Variants in ARID1B observed in about 807,000 individuals in gnomAD.
ARID1B encodes the protein AT-rich interaction domain 1B.
ARID1B carries 30 observed loss-of-function variants against 212.3 expected under a neutral mutation model. The ratio of observed to expected loss-of-function variants is 0.14; its 90% CI spans 0.11 to 0.19. The LOEUF is 0.19. Ranked by LOEUF, ARID1B falls within the 10% of genes least tolerant of loss-of-function variation. The pLI is 1.00. For missense variants in ARID1B, 2,891 were observed against 3,204.0 expected (o/e 0.90, Z 2.36); for synonymous variants, 1,402 against 1,301.7 (o/e 1.08, Z -1.66).
In ARID1B at chr6:156,939,054, G is replaced by A. The variant is rs547159061; in HGVS notation, c.2247+3478G>A. ...CACTGAACAAATCCTCCTTAATATC[G>A]TCCACTTATTTCTATACCTCTTAGT... On this transcript the variant is annotated intron_variant, in intron 4 of 19. Coordinates refer to ENST00000636930, the MANE Select transcript of ARID1B (RefSeq NM_001374828.1). 9.2e-5 allele frequency: 14 copies of A among 152,130 alleles called. No individual in the cohort carries two copies. The South Asian group carries it at 1.2e-3, about 14-fold the overall frequency. The allele number at this position is 152,130 out of a possible 1,614,324, so 9.4% of individuals were successfully genotyped here. A position where few individuals can be genotyped will look rare whatever the true frequency, so the allele number is the denominator to read the frequency against.
chr6:156,844,083 G>T (rs1784077206), intron 2 of ARID1B, among the ~76,000 whole-genome samples: 1 of 152,166 alleles, frequency 6.6e-6, no homozygotes, highest in African/African-American at 2.4e-5. Context: ...GAATTTTACA[G>T]AATTTTTCAC....
At chr6:156,872,911 G>T (rs371261856) in intron 2 of ARID1B, among the ~76,000 whole-genome samples, 1 of 152,088 alleles carries the variant, frequency 6.6e-6, no homozygotes, top group East Asian at 1.9e-4. Context: ...CCTGCCCATC[G>T]GCCCATCCGT....
rs990903455 is a variant in ARID1B at position 156,918,710 on chromosome 6, C to T, written c.2137-16756C>T. On this transcript the variant is annotated intron_variant, in intron 3 of 19. Coordinates refer to ENST00000636930, the MANE Select transcript of ARID1B (RefSeq NM_001374828.1). ...ACTTAGTGGCTGAGCAAGGCCTATTCCTAGACTCTGATTGTTGACTTGGGG... is the reference window on the plus strand; with the variant it reads ...ACTTAGTGGCTGAGCAAGGCCTATTTCTAGACTCTGATTGTTGACTTGGGG... Among the ~76,000 whole-genome samples, 8 of 152,254 alleles carry T rather than the reference C, an allele frequency of 5.3e-5. No homozygotes were observed. In the South Asian group the frequency reaches 8.3e-4, roughly 16 times the overall value.
intron 3 of ARID1B, among the ~76,000 whole-genome samples, chr6:156,911,838 C>T (rs1025215588): frequency 3.9e-5 from 6 of 152,060 alleles, no homozygotes; most frequent in Non-Finnish European, 5.9e-5. Flanking sequence ...CTCAAAACCA[C>T]GAGCAGGCAT....
chr6:157,104,444 T>A (rs958016812), intron 5 of ARID1B, among the ~76,000 whole-genome samples: 4 of 152,082 alleles, frequency 2.6e-5, no homozygotes, highest in African/African-American at 7.2e-5. Flanking sequence ...TAAGGATGAG[T>A]GTAGGAGAAA....
chr6:156,860,032 C>T (rs913525739), intron 2 of ARID1B, among the ~76,000 whole-genome samples: 2 of 152,152 alleles, frequency 1.3e-5, no homozygotes, highest in African/African-American at 4.8e-5. Context: ...TGAAAGTGTT[C>T]AGAATGGAAT....
intron 5 of ARID1B, among the ~76,000 whole-genome samples, chr6:157,105,088 G>A (rs1229147655): frequency 1.3e-5 from 2 of 152,140 alleles, no homozygotes; most frequent in African/African-American, 4.8e-5. Flanking sequence ...CAAGTCACTG[G>A]GCTAAGAATG....
chr6:156,878,061 G>T (rs1324472132), intron 2 of ARID1B, among the ~76,000 whole-genome samples: 1 of 151,996 alleles, frequency 6.6e-6, no homozygotes, highest in Non-Finnish European at 1.5e-5. Context: ...ATCTTTTGAA[G>T]GGCTTCTCTC....
At chr6:157,010,278 GTTT>G (rs367851681) in intron 4 of ARID1B, among the ~76,000 whole-genome samples, 45,264 of 102,786 alleles carry the variant, frequency 0.44, 8,473 homozygotes, top group East Asian at 0.61. Flanking sequence ...TGCATTGCCT[GTTT>G]TTTTTTTTTT....
chr6:157,135,869 C>T (rs940202130), intron 7 of ARID1B, among the ~76,000 whole-genome samples: 1 of 152,042 alleles, frequency 6.6e-6, no homozygotes, highest in Admixed American at 6.6e-5. Context: ...GTGTTCATAT[C>T]TCTGGAATGA....
At chr6:157,110,086 T>C (rs1786790916) in intron 5 of ARID1B, among the ~76,000 whole-genome samples, 1 of 152,202 alleles carries the variant, frequency 6.6e-6, no homozygotes. Flanking sequence ...CCATGAGTAA[T>C]TGTTGGCCAC....
In ARID1B at chr6:156,980,280, C is replaced by G. The variant is rs187831712; in HGVS notation, c.2247+44704C>G. 4.4e-3 allele frequency among the ~76,000 whole-genome samples: 669 copies of G among 151,982 alleles called. 5 individuals carry two copies. The highest frequency in any genetic ancestry group is 0.015 in the African/African-American group (637 of 41,442). ...GGTAGATCACCTGCGGTCAGGAGTT[C>G]GAGACCACCCCGGCCCACACAATGA... On this transcript the variant is annotated intron_variant, in intron 4 of 19. Transcript: ENST00000636930.
chr6:156,805,315 G>A (rs552406564), intron 1 of ARID1B, among the ~76,000 whole-genome samples: 3 of 152,302 alleles, frequency 2.0e-5, no homozygotes, highest in East Asian at 1.9e-4. Context: ...GGATAGGCCC[G>A]AGAGTAAAGT....
chr6:157,115,030 C>T (rs752322525), intron 6 of ARID1B, among the ~76,000 whole-genome samples: 20 of 152,168 alleles, frequency 1.3e-4, no homozygotes, highest in Middle Eastern at 3.2e-3. Context: ...GTTCTGCAAA[C>T]CTCTGGTGAC....
At chr6:156,976,819 T>C (rs1777280578) in intron 4 of ARID1B, 6 of 573,644 alleles carry the variant, frequency 1.0e-5, no homozygotes, top group South Asian at 1.4e-5. Context: ...CTCAGTTACA[T>C]TGGCAAATTT....
rs538079163 is a variant in ARID1B, at chr6:157,200,385, C to T, written c.4480-320C>T. ...GCTGTGGTCCTAGTGCAGCTCCCAG[C>T]CCGGGAGCCGTCTGCCTGTGTGGGA... On this transcript the variant is annotated intron_variant, in intron 17 of 19. Coordinates refer to ENST00000636930, the MANE Select transcript of ARID1B (RefSeq NM_001374828.1). This position sits in a 1 kb window ranked among gnomAD's most constrained non-coding sequence, Gnocchi z 4.3. Among the ~76,000 whole-genome samples the T allele has an allele frequency of 2.6e-5, 4 of 152,170 alleles. No individual in the cohort carries two copies. The highest frequency in any genetic ancestry group is 2.6e-4 in the Admixed American group (4 of 15,294).
chr6:157,101,616 A>T (rs764279802), intron 5 of ARID1B, among the ~76,000 whole-genome samples: 4 of 151,830 alleles, frequency 2.6e-5, no homozygotes, highest in Non-Finnish European at 4.4e-5. Context: ...AATTTAGGAC[A>T]TTGCCCTCTA....
At chr6:157,176,245 T>G (rs1333229586) in intron 11 of ARID1B, among the ~76,000 whole-genome samples, 1 of 152,130 alleles carries the variant, frequency 6.6e-6, no homozygotes, top group Non-Finnish European at 1.5e-5. Context: ...GCTTCTAGGA[T>G]GGGTATAGCA....
At chr6:156,816,544 G>C (rs1781976085) in intron 1 of ARID1B, among the ~76,000 whole-genome samples, 3 of 152,240 alleles carry the variant, frequency 2.0e-5, no homozygotes, top group Admixed American at 2.0e-4. Context: ...AGTTGCAGTT[G>C]ATGGTGATAA....
Sources: allele counts gnomAD v4.1 joint callset (sites outside exome capture counted in the v4.1 genomes callset), GRCh38; gene constraint gnomAD v4.1.1; non-coding constraint Gnocchi (gnomAD v3.1); transcripts MANE v1.5; gene names NCBI Gene and HGNC (gene_info 2026-07-23, HGNC 2026-07-21).